The following SLC39A11 variants were observed in gnomAD, a reference collection of about 807,000 sequenced individuals.
SLC39A11 encodes the protein zinc transporter ZIP11.
Under a neutral mutation model 36.1 loss-of-function variants are expected in SLC39A11, and 33 were observed. That is an observed-to-expected ratio of 0.91 (90% confidence interval 0.69 to 1.22). The LOEUF (loss-of-function observed/expected upper bound fraction) is 1.22. Ranked by LOEUF, SLC39A11 falls within the 50% of genes most tolerant of loss-of-function variation. SLC39A11 has a pLI of 0.00. For synonymous variants in SLC39A11, 166 were observed against 170.3 expected (o/e 0.97, Z 0.20); for missense variants, 432 against 430.3 (o/e 1.00, Z -0.03).
intron 6 of SLC39A11, among the ~76,000 whole-genome samples, chr17:72,824,274 C>A (rs942433105): frequency 7.3e-5 from 11 of 151,280 alleles, no homozygotes; most frequent in African/African-American, 2.4e-4. Flanking sequence ...CTCTCTCCTG[C>A]TCCACCATGT....
chr17:72,701,347 G>C (rs1327391398), intron 7 of SLC39A11, among the ~76,000 whole-genome samples: 1 of 152,168 alleles, frequency 6.6e-6, no homozygotes, highest in Non-Finnish European at 1.5e-5. Context: ...GGTGTTGAGG[G>C]ACCATCTCCT....
rs377475045 is a variant in SLC39A11 at position 72,709,711 on chromosome 17, T to C, written c.671+26939A>G. Among the ~76,000 whole-genome samples, 40 of 152,336 alleles carry C rather than the reference T, an allele frequency of 2.6e-4. No homozygotes were observed. The South Asian group carries it at 7.9e-3, about 30-fold the overall frequency. Reference sequence around the variant, plus strand: ...CAGTTCATGAAGCTGAAGATTTTCTTGCCCCTATTTCCTGTATCCTTTCAG... The same window carrying C: ...CAGTTCATGAAGCTGAAGATTTTCTCGCCCCTATTTCCTGTATCCTTTCAG... On this transcript the variant is annotated intron_variant, in intron 7 of 9. Transcript: ENST00000255559.
rs182626271 is a variant in SLC39A11, at chr17:72,838,341, A to G, written c.601+11293T>C. 3.1e-4 allele frequency among the ~76,000 whole-genome samples: 47 copies of G among 149,992 alleles called. No homozygotes were observed. The East Asian group carries it at 9.2e-3, about 29-fold the overall frequency. On this transcript the variant is annotated intron_variant, in intron 6 of 9. Coordinates refer to ENST00000255559, the MANE Select transcript of SLC39A11 (RefSeq NM_139177.4). The stretch of plus-strand genomic sequence containing the variant: ...CCTCCAGGGTTCAAGCAATCCTCCC[A>G]CCCTAGCCTTCCAAGTAGCTGGGAC...
intron 4 of SLC39A11, among the ~76,000 whole-genome samples, chr17:72,959,166 G>A (rs535664523): frequency 1.1e-3 from 165 of 151,648 alleles, no homozygotes; most frequent in African/African-American, 3.9e-3. Flanking sequence ...CTACTACTGG[G>A]TATCTAGCCA....
intron 3 of SLC39A11, among the ~76,000 whole-genome samples, chr17:73,070,266 A>AAAGT (rs1267097166): frequency 7.2e-5 from 11 of 152,172 alleles, no homozygotes; most frequent in African/African-American, 2.7e-4. Context: ...AGTATGACAA[A>AAAGT]TGCCCCCAAC....
intron 4 of SLC39A11, among the ~76,000 whole-genome samples, chr17:72,986,947 G>A (rs189452949): frequency 2.6e-5 from 4 of 152,332 alleles, no homozygotes; most frequent in Admixed American, 2.0e-4. Flanking sequence ...ACAAAGCTCT[G>A]ACATAGTATG....
rs2090002021 is a variant in SLC39A11, at chr17:73,004,167, G to GACAGAA, written c.306+27388_306+27389insTTCTGT. Among the ~76,000 whole-genome samples the GACAGAA allele has an allele frequency of 4.5e-5, 2 of 43,978 alleles. 1 individual carries two copies. Among genetic ancestry groups the GACAGAA allele is most frequent in the African/African-American group, 1.8e-4 (2 of 11,140 alleles). 28.9% of individuals were successfully genotyped at this position (43,978 alleles called of 152,430 possible). A position where few individuals can be genotyped will look rare whatever the true frequency, so the allele number is the denominator to read the frequency against. On this transcript the variant is annotated intron_variant, in intron 4 of 9. Transcript: ENST00000255559. The stretch of plus-strand genomic sequence containing the variant: ...AGAAAGAAAGAAAGAAGGAAAAAAA[G>GACAGAA]AAAGAAAGAAAGAAAGAAAGAAAGA...
chr17:72,896,267 T>C (rs374342829), intron 5 of SLC39A11, among the ~76,000 whole-genome samples: 3 of 136,238 alleles, frequency 2.2e-5, no homozygotes, highest in East Asian at 2.4e-4. Context: ...AGTGGTGCAA[T>C]CTTGGCTCAC....
Position 73,031,542 on chromosome 17 carries a change from A to G in SLC39A11, c.306+14T>C, listed in dbSNP as rs778006715. ...GTATCCCGATACGACAGCTAAAAGT[A>G]GAGTGGTACTCACCAAGTGAGGCAT... On this transcript the variant is annotated intron_variant, in intron 4 of 9. Transcript: ENST00000255559. 1 of 1,613,946 alleles carries G rather than the reference A, an allele frequency of 6.2e-7. No individual in the cohort carries two copies. Among genetic ancestry groups the G allele is most frequent in the South Asian group, 1.1e-5 (1 of 91,076 alleles).
At chr17:72,732,836 T>C (rs1022022355) in intron 7 of SLC39A11, among the ~76,000 whole-genome samples, 1 of 152,190 alleles carries the variant, frequency 6.6e-6, no homozygotes, top group Non-Finnish European at 1.5e-5. Context: ...TGCTCTTTAT[T>C]TGAGGTTTCT....
At chr17:72,648,737 T>C (rs1598209270) in intron 9 of SLC39A11, 66 bp downstream of exon 9, 1 of 1,591,668 alleles carries the variant, frequency 6.3e-7, no homozygotes, top group East Asian at 2.2e-5. Context: ...AGAAAGAGCA[T>C]ATCCCAAGGC....
At chr17:73,006,620 C>T (rs554609276) in intron 4 of SLC39A11, among the ~76,000 whole-genome samples, 10 of 151,582 alleles carry the variant, frequency 6.6e-5, no homozygotes, top group Non-Finnish European at 1.2e-4. Context: ...TACCCAAAGC[C>T]TTGGGTGCTT....
Position 72,740,056 on chromosome 17 carries a change from C to CTTTTTTT in SLC39A11, c.602-3344_602-3338dup, listed in dbSNP as rs386386565. Among the ~76,000 whole-genome samples the CTTTTTTT allele has an allele frequency of 2.4e-3, 197 of 81,464 alleles. 13 individuals carry two copies. The highest frequency in any genetic ancestry group is 3.6e-3 in the African/African-American group (70 of 19,422). 53.4% of individuals were successfully genotyped at this position (81,464 alleles called of 152,430 possible). ...AGCTAGATAGAATTTCTTTCCTTTT[C>CTTTTTTT]TTTTTTTTTTTTTTTTTTTTTTTTG... On this transcript the variant is annotated intron_variant, in intron 6 of 9. Coordinates refer to ENST00000255559, the MANE Select transcript of SLC39A11 (RefSeq NM_139177.4).
At chr17:72,680,504 C>A (rs2071466021) in intron 7 of SLC39A11, among the ~76,000 whole-genome samples, 1 of 152,162 alleles carries the variant, frequency 6.6e-6, no homozygotes, top group Non-Finnish European at 1.5e-5. Context: ...TTATAAAGGG[C>A]AGTTTCCCCA....
At chr17:72,852,219 A>AAAAAAAAAAC in intron 5 of SLC39A11, among the ~76,000 whole-genome samples, 1 of 148,804 alleles carries the variant, frequency 6.7e-6, no homozygotes, top group Non-Finnish European at 1.5e-5. Flanking sequence ...AAAAAAAAAA[A>AAAAAAAAAAC]AAAAAAAAAC....
At chr17:72,893,919 A>G (rs2081892413) in intron 5 of SLC39A11, among the ~76,000 whole-genome samples, 1 of 152,300 alleles carries the variant, frequency 6.6e-6, no homozygotes, top group African/African-American at 2.4e-5. Flanking sequence ...GATGTCTGCT[A>G]TATACCAGGC....
At chr17:72,925,015 A>AAAAAAAAAAAC in intron 5 of SLC39A11, among the ~76,000 whole-genome samples, 1 of 151,180 alleles carries the variant, frequency 6.6e-6, no homozygotes, top group African/African-American at 2.4e-5. Flanking sequence ...AAAAAAAAAA[A>AAAAAAAAAAAC]AAAAAAGCCA....
chr17:72,953,672 T>G (rs1030176975), intron 4 of SLC39A11, among the ~76,000 whole-genome samples: 4 of 152,164 alleles, frequency 2.6e-5, no homozygotes, highest in African/African-American at 9.7e-5. Flanking sequence ...ACAAAGCACG[T>G]TGGGTGTCAT....
chr17:73,026,517 CAA>C (rs548390962), intron 4 of SLC39A11, among the ~76,000 whole-genome samples: 82 of 75,484 alleles, frequency 1.1e-3, no homozygotes, highest in Non-Finnish European at 1.6e-3. Context: ...GAAACTACAT[CAA>C]AAAAAAAAAA....
Sources: gnomAD v4.1 joint callset for allele counts (sites outside exome capture counted in the v4.1 genomes callset) on GRCh38, gnomAD v4.1.1 for gene constraint, MANE v1.5 for transcripts, NCBI Gene and HGNC (gene_info 2026-07-23, HGNC 2026-07-21) for gene names.